RBPMS: variants seen among roughly 807,000 people sequenced by gnomAD.
The protein encoded by RBPMS is RNA binding protein, mRNA processing factor, also known as RNA-binding protein with multiple splicing.
RBPMS carries 7 observed loss-of-function variants against 26.8 expected under a neutral mutation model. The ratio of observed to expected loss-of-function variants is 0.26; its 90% CI spans 0.15 to 0.49. The LOEUF is 0.49. Ranked by LOEUF, RBPMS falls within the 20% of genes least tolerant of loss-of-function variation. RBPMS has a pLI of 0.98. For synonymous variants in RBPMS, 96 were observed against 93.3 expected, an observed-to-expected ratio of 1.03 and a Z score of -0.17; for missense variants, 186 against 250.0, an observed-to-expected ratio of 0.74 and a Z score of 1.73.
chr8:30,536,352 C>T (rs961826459), intron 5 of RBPMS, among the ~76,000 whole-genome samples: 50 of 152,282 alleles, frequency 3.3e-4, no homozygotes, highest in African/African-American at 1.1e-3. Context: ...GTCTCGAACT[C>T]CCGACCTCAG....
chr8:30,565,592 T>G (rs1253408862), intron 7 of RBPMS: 1 of 152,196 alleles, frequency 6.6e-6, no homozygotes. Context: ...TAGAAACTGA[T>G]TCTTTGCTAG....
At chr8:30,468,778 A>G (rs1257461116) in intron 1 of RBPMS, among the ~76,000 whole-genome samples, 1 of 152,234 alleles carries the variant, frequency 6.6e-6, no homozygotes, top group Non-Finnish European at 1.5e-5. Flanking sequence ...CTCCAAAACA[A>G]TGATTCAAAC....
At chr8:30,566,494 T>A in intron 8 of RBPMS, 134 bp downstream of exon 8, 1 of 157,646 alleles carries the variant, frequency 6.3e-6, no homozygotes, top group Non-Finnish European at 1.4e-5. Flanking sequence ...TGCCCGGAGC[T>A]CTTTAACATC....
At chr8:30,539,992 T>G (rs1450423848) in intron 5 of RBPMS, among the ~76,000 whole-genome samples, 3 of 152,076 alleles carry the variant, frequency 2.0e-5, no homozygotes, top group African/African-American at 7.2e-5. Context: ...AGAATAAGAG[T>G]GAGCTTGCCG....
chr8:30,557,677 C>T (rs1431468228), intron 6 of RBPMS, among the ~76,000 whole-genome samples: 1 of 152,212 alleles, frequency 6.6e-6, no homozygotes, highest in African/African-American at 2.4e-5. Flanking sequence ...CTCACCTGGC[C>T]CCACAGGCCT....
chr8:30,462,458 C>G (rs1816026395), intron 1 of RBPMS, among the ~76,000 whole-genome samples: 2 of 151,900 alleles, frequency 1.3e-5, no homozygotes, highest in South Asian at 4.2e-4. Context: ...GGGTCTTGCT[C>G]TGTCACCCAG....
intron 5 of RBPMS, among the ~76,000 whole-genome samples, chr8:30,527,879 G>C (rs1289602615): frequency 6.6e-6 from 1 of 152,126 alleles, no homozygotes; most frequent in African/African-American, 2.4e-5. Context: ...TATCCTTAAA[G>C]ATAGGTTTAA....
chr8:30,449,470 A>T (rs1240811649), intron 1 of RBPMS, among the ~76,000 whole-genome samples: 1 of 150,764 alleles, frequency 6.6e-6, no homozygotes, highest in African/African-American at 2.5e-5. Context: ...TCCTGGTTCA[A>T]GCAATTCCCC....
At chr8:30,422,408 C>G (rs1810897046) in intron 1 of RBPMS, among the ~76,000 whole-genome samples, 1 of 152,090 alleles carries the variant, frequency 6.6e-6, no homozygotes, top group Non-Finnish European at 1.5e-5. Flanking sequence ...GCTACTGCGC[C>G]TGGCCGAAAT....
chr8:30,444,803 A>G (rs1369204457), intron 1 of RBPMS: 1 of 152,228 alleles, frequency 6.6e-6, no homozygotes, highest in Non-Finnish European at 1.5e-5. Flanking sequence ...TATCTATTTC[A>G]AAGATTTCAG....
At chr8:30,556,851 C>T (rs1185358436) in intron 6 of RBPMS, 1 of 865,578 alleles carries the variant, frequency 1.2e-6, no homozygotes, top group African/African-American at 1.8e-5. Context: ...CCCCTAGACT[C>T]TTCTGTCCCC....
chr8:30,415,783 T>C (rs2915615), intron 1 of RBPMS, among the ~76,000 whole-genome samples: 28,192 of 152,124 alleles, frequency 0.19, 6,749 homozygotes, highest in African/African-American at 0.56. Context: ...TTGACAGCTT[T>C]TCCTCTGGTC....
chr8:30,429,431 C>T (rs1446232155), intron 1 of RBPMS, among the ~76,000 whole-genome samples: 1 of 152,154 alleles, frequency 6.6e-6, no homozygotes, highest in African/African-American at 2.4e-5. Flanking sequence ...TCCAGGCCTC[C>T]TGGAAGGGTA....
intron 1 of RBPMS, among the ~76,000 whole-genome samples, chr8:30,431,772 T>G (rs1472210330): frequency 1.3e-5 from 2 of 151,848 alleles, no homozygotes; most frequent in Non-Finnish European, 2.9e-5. Context: ...ATAATAGTAC[T>G]TATCAGTATA....
chr8:30,486,363 AT>A (rs1563365025), intron 4 of RBPMS, among the ~76,000 whole-genome samples: 1 of 106,644 alleles, frequency 9.4e-6, no homozygotes, highest in African/African-American at 3.5e-5. Flanking sequence ...AATAAATAAC[AT>A]AAAAAAAAAA....
intron 1 of RBPMS, among the ~76,000 whole-genome samples, chr8:30,431,248 C>T (rs1811891082): frequency 6.6e-6 from 1 of 152,080 alleles, no homozygotes; most frequent in Non-Finnish European, 1.5e-5. Context: ...AAGGGGACAA[C>T]TCAAATTTCA....
intron 4 of RBPMS, among the ~76,000 whole-genome samples, chr8:30,496,458 G>A (rs542560317): frequency 1.7e-3 from 258 of 152,158 alleles, no homozygotes; most frequent in Non-Finnish European, 2.5e-3. Flanking sequence ...GTGAGCCACC[G>A]TGCCCGGCCA....
chr8:30,556,062 G>A, intron 6 of RBPMS: 2 of 985,456 alleles, frequency 2.0e-6, no homozygotes, highest in Non-Finnish European at 2.4e-6. Flanking sequence ...TCTCAGGCTG[G>A]AAGAGGAGGC....
intron 1 of RBPMS, among the ~76,000 whole-genome samples, chr8:30,415,246 C>T (rs1054718581): frequency 1.3e-5 from 2 of 152,126 alleles, no homozygotes; most frequent in Admixed American, 1.3e-4. Flanking sequence ...TTCCAAATAT[C>T]TCTCAAATCT....
Sources: allele counts gnomAD v4.1 joint callset (sites outside exome capture counted in the v4.1 genomes callset), GRCh38; gene constraint gnomAD v4.1.1; transcripts MANE v1.5; gene names NCBI Gene and HGNC (gene_info 2026-07-23, HGNC 2026-07-21).